Variants in SHANK2 observed in about 807,000 individuals in gnomAD.
The protein encoded by SHANK2 is SH3 and multiple ankyrin repeat domains protein 2.
Under a neutral mutation model 133.7 loss-of-function variants are expected in SHANK2, and 43 were observed. The ratio of observed to expected loss-of-function variants is 0.32; its 90% CI spans 0.25 to 0.41. The LOEUF (loss-of-function observed/expected upper bound fraction) is 0.41. Among genes scored for constraint, SHANK2 ranks in the 10% least tolerant of loss-of-function variants. SHANK2 has a pLI of 1.00. For synonymous variants in SHANK2, 1,017 were observed against 952.8 expected (o/e 1.07, Z -1.24); for missense variants, 1,994 against 2,235.8 (o/e 0.89, Z 2.18).
chr11:70,629,144 G>A (rs112892561), intron 17 of SHANK2, among the ~76,000 whole-genome samples: 9,080 of 152,110 alleles, frequency 0.06, 444 homozygotes, highest in African/African-American at 0.13. Flanking sequence ...TCCTCTGTCA[G>A]TGTTCCAAGC....
At chr11:70,831,908 T>G (rs377444536) in intron 11 of SHANK2, among the ~76,000 whole-genome samples, 3 of 152,336 alleles carry the variant, frequency 2.0e-5, no homozygotes, top group African/African-American at 7.2e-5. Context: ...TCATGCCCCC[T>G]GCAGCCATGG....
intron 14 of SHANK2, among the ~76,000 whole-genome samples, chr11:70,794,453 G>A (rs1555048702): frequency 6.6e-6 from 1 of 152,118 alleles, no homozygotes; most frequent in Non-Finnish European, 1.5e-5. Context: ...GGTCTATGGT[G>A]ACAGAAATCA....
chr11:70,489,717 C>T (rs2058858364), intron 23 of SHANK2: 1 of 335,212 alleles, frequency 3.0e-6, no homozygotes, highest in South Asian at 3.6e-5. Context: ...CAAGTGTGAC[C>T]TTGTCTCAAG....
intron 11 of SHANK2, among the ~76,000 whole-genome samples, chr11:70,893,616 A>G (rs1160021770): frequency 6.6e-6 from 1 of 152,228 alleles, no homozygotes; most frequent in African/African-American, 2.4e-5. Context: ...CTAGTTCATA[A>G]TCACGAACCC....
intron 25 of SHANK2, among the ~76,000 whole-genome samples, chr11:70,484,999 T>C (rs1237058671): frequency 6.6e-6 from 1 of 152,140 alleles, no homozygotes; most frequent in Non-Finnish European, 1.5e-5. Context: ...CTGGCAGAGA[T>C]CTGGAGGGCA....
chr11:70,542,301 G>A (rs911652149), intron 17 of SHANK2, among the ~76,000 whole-genome samples: 2 of 152,180 alleles, frequency 1.3e-5, no homozygotes, highest in Non-Finnish European at 2.9e-5. Flanking sequence ...GTGCCCTTAT[G>A]AGGGATGAGA....
intron 17 of SHANK2, among the ~76,000 whole-genome samples, chr11:70,657,520 T>C (rs1555011921): frequency 6.6e-6 from 1 of 152,164 alleles, no homozygotes; most frequent in Admixed American, 6.5e-5. Context: ...GAGGCAGCTG[T>C]GGACATGAAC....
At position 71,238,182 on chromosome 11, in the gene SHANK2, G is replaced by C. The variant is rs962163404; in HGVS notation, c.-112-13386C>G. 1.6e-4 allele frequency among the ~76,000 whole-genome samples: 25 copies of C among 152,224 alleles called. 1 individual carries two copies. Among genetic ancestry groups the C allele is most frequent in the Admixed American group, 6.5e-5 (1 of 15,286 alleles). On this transcript the variant is annotated intron_variant, in intron 1 of 25. Coordinates refer to ENST00000601538, the MANE Select transcript of SHANK2 (RefSeq NM_012309.5). Reference sequence around the variant, plus strand: ...CACGTGGGAGGCTCTGCAGAGAACAGGTGGAGACCCCAGCATTCCCTGCTC... The same window carrying C: ...CACGTGGGAGGCTCTGCAGAGAACACGTGGAGACCCCAGCATTCCCTGCTC...
chr11:70,763,673 C>T (rs1947043716), intron 14 of SHANK2, among the ~76,000 whole-genome samples: 1 of 152,136 alleles, frequency 6.6e-6, no homozygotes, highest in African/African-American at 2.4e-5. Context: ...GCCTGTTGGG[C>T]CATATGGATG....
intron 17 of SHANK2, among the ~76,000 whole-genome samples, chr11:70,642,891 A>C (rs2061203281): frequency 6.6e-6 from 1 of 152,220 alleles, no homozygotes; most frequent in Admixed American, 6.5e-5. Flanking sequence ...AGCCAAGGTG[A>C]CTACAGTTAA....
At chr11:70,601,960 C>A (rs2060503593) in intron 17 of SHANK2, among the ~76,000 whole-genome samples, 1 of 152,200 alleles carries the variant, frequency 6.6e-6, no homozygotes, top group East Asian at 1.9e-4. Flanking sequence ...GGATATTTAA[C>A]CCTGCCCAAA....
chr11:70,503,199 C>T (rs1349150882), intron 17 of SHANK2, among the ~76,000 whole-genome samples: 1 of 152,182 alleles, frequency 6.6e-6, no homozygotes, highest in Non-Finnish European at 1.5e-5. Context: ...GAGTCCTCCA[C>T]AGCTGCTGCA....
intron 14 of SHANK2, 51 bp from the exon 15 acceptor site, chr11:70,698,814 A>G: frequency 1.4e-6 from 1 of 718,272 alleles, no homozygotes; most frequent in Non-Finnish European, 2.6e-6. Context: ...TGGTCCCCGA[A>G]CGCGGAACCC....
chr11:71,070,990 T>A (rs1218315930), intron 9 of SHANK2, among the ~76,000 whole-genome samples: 2 of 152,176 alleles, frequency 1.3e-5, no homozygotes. Flanking sequence ...TCAATACAGA[T>A]CATCAAAATG....
At position 70,599,919 on chromosome 11, in the gene SHANK2, GAAAGAAAGAA is replaced by G. The variant is rs2060464735; in HGVS notation, c.2061+59899_2061+59908del. Among the ~76,000 whole-genome samples the G allele has an allele frequency of 8.4e-5, 5 of 59,182 alleles. 1 individual carries two copies. Among genetic ancestry groups the G allele is most frequent in the East Asian group, 3.5e-4 (1 of 2,834 alleles). 38.8% of individuals were successfully genotyped at this position (59,182 alleles called of 152,430 possible). A position where few individuals can be genotyped will look rare whatever the true frequency, so the allele number is the denominator to read the frequency against. On this transcript the variant is annotated intron_variant, in intron 17 of 25. Transcript: ENST00000601538. ...AAAGAAAGAAAGAGAAAGAAAGAAA[GAAAGAAAGAA>G]AGAAAGAAAGAAAGAAAGAAAGAAA...
chr11:70,890,574 C>T (rs1453287047), intron 11 of SHANK2, among the ~76,000 whole-genome samples: 1 of 150,882 alleles, frequency 6.6e-6, no homozygotes, highest in Non-Finnish European at 1.5e-5. Context: ...CTGAGGCGGG[C>T]GGATCACCTG....
chr11:71,067,219 C>T (rs1410795196), intron 9 of SHANK2, among the ~76,000 whole-genome samples: 4 of 152,154 alleles, frequency 2.6e-5, no homozygotes, highest in Admixed American at 6.5e-5. Context: ...GGACAGGTTC[C>T]CCGTGGGACA....
chr11:70,482,358 G>A (rs782350096), intron 25 of SHANK2, among the ~76,000 whole-genome samples: 2 of 152,222 alleles, frequency 1.3e-5, no homozygotes, highest in Non-Finnish European at 2.9e-5. Flanking sequence ...CAAAGAGCTT[G>A]GCCTAAGGAC....
chr11:71,062,336 G>A (rs995521596), intron 9 of SHANK2, among the ~76,000 whole-genome samples: 4 of 152,204 alleles, frequency 2.6e-5, no homozygotes, highest in Non-Finnish European at 5.9e-5. Context: ...GAGAGAAAAC[G>A]AAGAGGAGGC....
Sources: gnomAD v4.1 joint callset for allele counts (sites outside exome capture counted in the v4.1 genomes callset) on GRCh38, gnomAD v4.1.1 for gene constraint, MANE v1.5 for transcripts, NCBI Gene and HGNC (gene_info 2026-07-23, HGNC 2026-07-21) for gene names.